The following HPSE2 variants were observed in gnomAD, a reference collection of about 807,000 sequenced individuals.
HPSE2 encodes heparanase 2 (inactive).
Under a neutral mutation model 60.5 loss-of-function variants are expected in HPSE2, and 38 were observed. The observed-to-expected ratio is 0.63, with a 90% CI of 0.48 to 0.82. HPSE2 has a LOEUF of 0.82. HPSE2 is among the 40% of genes least tolerant of loss of function. The pLI, the probability that HPSE2 is intolerant of heterozygous loss-of-function variation, is 0.00. For synonymous variants in HPSE2, 295 were observed against 293.2 expected (o/e 1.01, Z -0.06); for missense variants, 713 against 740.4 (o/e 0.96, Z 0.43).
At chr10:98,743,175 G>A (rs2134325796) in intron 4 of HPSE2, among the ~76,000 whole-genome samples, 1 of 151,876 alleles carries the variant, frequency 6.6e-6, no homozygotes, top group African/African-American at 2.4e-5. Flanking sequence ...GTTTCACCAT[G>A]TTGGCCAGGC....
chr10:98,739,454 A>C (rs984383102), intron 4 of HPSE2, among the ~76,000 whole-genome samples: 1 of 152,120 alleles, frequency 6.6e-6, no homozygotes, highest in Admixed American at 6.6e-5. Flanking sequence ...CATGTAAAAA[A>C]AAAAAGAAGA....
At chr10:99,172,537 A>G (rs1847352039) in intron 2 of HPSE2, among the ~76,000 whole-genome samples, 1 of 152,200 alleles carries the variant, frequency 6.6e-6, no homozygotes, top group South Asian at 2.1e-4. Context: ...ATCTACCCTC[A>G]AGGAGCTCAC....
chr10:98,844,723 T>C (rs1288321904), intron 3 of HPSE2, among the ~76,000 whole-genome samples: 3 of 152,236 alleles, frequency 2.0e-5, no homozygotes, highest in Admixed American at 6.5e-5. Flanking sequence ...ATATAAACTA[T>C]GTTCTAGGCA....
intron 9 of HPSE2, among the ~76,000 whole-genome samples, chr10:98,545,999 T>C: frequency 7.1e-6 from 1 of 139,868 alleles, no homozygotes. Context: ...AGCATTCTTA[T>C]ATACCAATAA....
intron 2 of HPSE2, among the ~76,000 whole-genome samples, chr10:99,153,516 T>C (rs368885641): frequency 6.6e-6 from 1 of 151,504 alleles, no homozygotes; most frequent in African/African-American, 2.4e-5. Flanking sequence ...CGGCAGGGTA[T>C]TCCAACAGAC....
At chr10:99,008,898 A>G (rs891146059) in intron 3 of HPSE2, among the ~76,000 whole-genome samples, 1 of 152,150 alleles carries the variant, frequency 6.6e-6, no homozygotes, top group Non-Finnish European at 1.5e-5. Flanking sequence ...AACAGAGTTC[A>G]GTCCTATTTC....
intron 3 of HPSE2, among the ~76,000 whole-genome samples, chr10:98,948,806 T>C (rs1327884423): frequency 2.6e-5 from 4 of 152,134 alleles, no homozygotes; most frequent in Admixed American, 1.3e-4. Context: ...ATGAAGGCTT[T>C]TGTGATGACC....
chr10:98,748,645 T>G (rs980490286), intron 3 of HPSE2, among the ~76,000 whole-genome samples: 2 of 152,192 alleles, frequency 1.3e-5, no homozygotes, highest in South Asian at 4.2e-4. Flanking sequence ...GTGCTGACAG[T>G]TGATGCTGTG....
rs35757094 is a variant in HPSE2 at position 99,041,086 on chromosome 10, C to CAA, written c.610+103150_610+103151dup. On this transcript the variant is annotated intron_variant, in intron 3 of 11. Coordinates refer to ENST00000370552, the MANE Select transcript of HPSE2 (RefSeq NM_021828.5). Reference sequence around the variant, plus strand: ...TGAGTGACATAGCGAGACTCCATCTCAAAAAAAAAAAAAAATTGCATAGTC... The same window carrying CAA: ...TGAGTGACATAGCGAGACTCCATCTCAAAAAAAAAAAAAAAAATTGCATAGTC... Among the ~76,000 whole-genome samples, 127 of 122,358 alleles carry CAA rather than the reference C, an allele frequency of 1.0e-3. 1 individual carries two copies. The highest frequency in any genetic ancestry group is 3.5e-3 in the African/African-American group (115 of 32,940). The allele number at this position is 122,358 out of a possible 152,430, so 80.3% of individuals were successfully genotyped here. A position where few individuals can be genotyped will look rare whatever the true frequency, so the allele number is the denominator to read the frequency against.
chr10:98,670,486 T>C (rs1039850599), intron 6 of HPSE2, among the ~76,000 whole-genome samples: 3 of 152,210 alleles, frequency 2.0e-5, no homozygotes, highest in Admixed American at 2.0e-4. Flanking sequence ...TGAGCATCCA[T>C]AATCTGAAAA....
At chr10:99,272,868 C>T in the HPSE2 span, among the ~76,000 whole-genome samples, 1 of 152,174 alleles carries the variant, frequency 6.6e-6, no homozygotes, top group Non-Finnish European at 1.5e-5. Context: ...TGTGGAGATT[C>T]CTTAAAGAAC....
At chr10:98,891,454 T>C (rs111274116) in intron 3 of HPSE2, among the ~76,000 whole-genome samples, 6 of 152,192 alleles carry the variant, frequency 3.9e-5, no homozygotes, top group African/African-American at 1.2e-4. Flanking sequence ...ATTATTATTA[T>C]TATTTTTAAG....
At chr10:98,672,824 GGTGA>G (rs961178668) in intron 6 of HPSE2, among the ~76,000 whole-genome samples, 17 of 151,998 alleles carry the variant, frequency 1.1e-4, no homozygotes, top group African/African-American at 4.1e-4. Flanking sequence ...ACCTTTAAAA[GGTGA>G]GTGTCTCTTG....
chr10:98,939,342 C>T (rs1190596341), intron 3 of HPSE2, among the ~76,000 whole-genome samples: 2 of 143,590 alleles, frequency 1.4e-5, no homozygotes, highest in African/African-American at 5.7e-5. Context: ...AAATCCATCT[C>T]ACGTGCAGAG....
At chr10:98,658,540 C>T (rs1364784726) in intron 6 of HPSE2, among the ~76,000 whole-genome samples, 1 of 151,668 alleles carries the variant, frequency 6.6e-6, no homozygotes, top group East Asian at 1.9e-4. Context: ...GAAATAAAAT[C>T]CAATTAATCA....
intron 3 of HPSE2, among the ~76,000 whole-genome samples, chr10:99,023,973 C>T (rs1225605818): frequency 1.3e-5 from 2 of 152,198 alleles, no homozygotes; most frequent in African/African-American, 4.8e-5. Flanking sequence ...CCCAGGAAGA[C>T]ATGACCTCAC....
intron 3 of HPSE2, among the ~76,000 whole-genome samples, chr10:98,886,246 A>G (rs772580323): frequency 2.6e-5 from 4 of 152,138 alleles, no homozygotes; most frequent in Non-Finnish European, 4.4e-5. Flanking sequence ...CAGAGGAAAT[A>G]CTGTAAATAT....
intron 3 of HPSE2, among the ~76,000 whole-genome samples, chr10:99,099,156 G>A (rs1843837453): frequency 6.6e-6 from 1 of 152,092 alleles, no homozygotes; most frequent in African/African-American, 2.4e-5. Flanking sequence ...CAGGACAGTG[G>A]GTGCAGCCCA....
At chr10:99,299,354 G>A in the HPSE2 span, among the ~76,000 whole-genome samples, 4 of 152,184 alleles carry the variant, frequency 2.6e-5, no homozygotes, top group African/African-American at 7.2e-5. Context: ...TGATGGAGAC[G>A]GAGAAACAAT....
Sources: allele counts gnomAD v4.1 joint callset (sites outside exome capture counted in the v4.1 genomes callset), GRCh38; gene constraint gnomAD v4.1.1; transcripts MANE v1.5; gene names NCBI Gene and HGNC (gene_info 2026-07-23, HGNC 2026-07-21).